FBXO11: variants seen among roughly 807,000 people sequenced by gnomAD.
FBXO11 encodes F-box only protein 11.
FBXO11 carries 13 observed loss-of-function variants against 117.0 expected under a neutral mutation model. The ratio of observed to expected loss-of-function variants is 0.11; its 90% CI spans 0.07 to 0.18. The LOEUF is 0.18. Among genes scored for constraint, FBXO11 ranks in the 10% least tolerant of loss-of-function variants. The pLI is 1.00. For missense variants in FBXO11, 767 were observed against 1,164.4 expected (o/e 0.66, Z 4.97); for synonymous variants, 490 against 380.5 (o/e 1.29, Z -3.35).
At chr2:47,842,256 T>G (rs1215468346) in intron 1 of FBXO11, among the ~76,000 whole-genome samples, 1 of 149,062 alleles carries the variant, frequency 6.7e-6, no homozygotes, top group Non-Finnish European at 1.5e-5. Flanking sequence ...CCTCGTGATC[T>G]GCCCGCCTCG....
At chr2:47,883,515 G>C (rs1012905275) in intron 1 of FBXO11, 1 of 397,368 alleles carries the variant, frequency 2.5e-6, no homozygotes, top group Non-Finnish European at 5.0e-6. Context: ...TGAACCCTTG[G>C]ATACAACAGA....
chr2:47,808,541 T>G (rs1670384413), intron 21 of FBXO11, 114 bp from the exon 22 acceptor site: 14 of 801,558 alleles, frequency 1.7e-5, no homozygotes, highest in Non-Finnish European at 2.4e-5. Flanking sequence ...AACAAAATTC[T>G]TTGTGGCTCC....
In FBXO11 at chr2:47,866,551, G is replaced by A. The variant is rs142540509; in HGVS notation, c.233-26782C>T. On this transcript the variant is annotated intron_variant, in intron 1 of 22. Coordinates refer to ENST00000403359, the MANE Select transcript of FBXO11 (RefSeq NM_001190274.2). ...TACAGTGGCGTGATCTAAGCTCACTGCAAACTCCGCCTCTCGGGTTCAAGC... is the reference window on the plus strand; with the variant it reads ...TACAGTGGCGTGATCTAAGCTCACTACAAACTCCGCCTCTCGGGTTCAAGC... 3.3e-4 allele frequency among the ~76,000 whole-genome samples: 50 copies of A among 151,116 alleles called. 1 individual carries two copies. The East Asian group carries it at 6.4e-3, about 19-fold the overall frequency.
intron 1 of FBXO11, among the ~76,000 whole-genome samples, chr2:47,864,382 G>C (rs1675034342): frequency 6.6e-6 from 1 of 152,192 alleles, no homozygotes; most frequent in African/African-American, 2.4e-5. Context: ...GAGGTCAGGA[G>C]TTCAAGACCA....
At position 47,818,873 on chromosome 2, in the gene FBXO11, TAA is replaced by T. The variant is rs374445177; in HGVS notation, c.1921-11_1921-10del. 3,568 of 1,388,458 alleles carry T rather than the reference TAA, an allele frequency of 2.6e-3. No individual in the cohort carries two copies. The highest frequency in any genetic ancestry group is 4.2e-3 in the South Asian group (319 of 76,314). 86.0% of individuals were successfully genotyped at this position (1,388,458 alleles called of 1,614,324 possible). Reference sequence around the variant, plus strand: ...TAAAAATAAACACCAACCTAAAATTTAAAAAAAAAAAAAAAGCTTTTTCAAGG... The same window carrying T: ...TAAAAATAAACACCAACCTAAAATTTAAAAAAAAAAAAAGCTTTTTCAAGG... On this transcript the variant is annotated splice_polypyrimidine_tract_variant and intron_variant, in intron 15 of 22. Coordinates refer to ENST00000403359, the MANE Select transcript of FBXO11 (RefSeq NM_001190274.2).
chr2:47,898,402 C>T (rs1297443488), intron 1 of FBXO11, among the ~76,000 whole-genome samples: 2 of 152,148 alleles, frequency 1.3e-5, no homozygotes, highest in Non-Finnish European at 2.9e-5. Context: ...AATATTTAGT[C>T]CACAAACCAG....
intron 11 of FBXO11, among the ~76,000 whole-genome samples, chr2:47,829,263 C>G (rs548059168): frequency 1.4e-5 from 2 of 147,516 alleles, no homozygotes; most frequent in Non-Finnish European, 1.5e-5. Flanking sequence ...TTTTTTGAGA[C>G]AGAGTCTTGC....
At chr2:47,861,226 T>C (rs558715532) in intron 1 of FBXO11, among the ~76,000 whole-genome samples, 2 of 152,206 alleles carry the variant, frequency 1.3e-5, no homozygotes, top group East Asian at 1.9e-4. Flanking sequence ...CACTTATGTA[T>C]CTTGTAAAAA....
At chr2:47,861,105 C>T (rs1674738627) in intron 1 of FBXO11, among the ~76,000 whole-genome samples, 1 of 152,102 alleles carries the variant, frequency 6.6e-6, no homozygotes, top group Admixed American at 6.5e-5. Flanking sequence ...CCGCCACGGC[C>T]TCCCAAAGTG....
Position 47,807,695 on chromosome 2 carries a change from AAGTGCT to A in FBXO11, c.*417_*422del. On this transcript the variant is annotated 3_prime_UTR_variant, in exon 23 of 23. Coordinates refer to ENST00000403359, the MANE Select transcript of FBXO11 (RefSeq NM_001190274.2). ...AAAAAAAAAATCAAAAGGAACGCAG[AAGTGCT>A]AGCTCACATTTTTACCATATTACAA... 1 of 233,244 alleles carries A rather than the reference AAGTGCT, an allele frequency of 4.3e-6. No homozygotes were observed. The highest frequency in any genetic ancestry group is 8.5e-6 in the Non-Finnish European group (1 of 117,434). The allele number at this position is 233,244 out of a possible 1,614,324, so 14.4% of individuals were successfully genotyped here.
intron 1 of FBXO11, among the ~76,000 whole-genome samples, chr2:47,867,837 T>C (rs1013310185): frequency 6.6e-6 from 1 of 152,190 alleles, no homozygotes; most frequent in African/African-American, 2.4e-5. Flanking sequence ...GAAATAGAGA[T>C]GACAATGTCA....
intron 1 of FBXO11, among the ~76,000 whole-genome samples, chr2:47,901,449 C>A (rs1351011157): frequency 6.6e-6 from 1 of 152,000 alleles, no homozygotes; most frequent in African/African-American, 2.4e-5. Flanking sequence ...AACCCAAATT[C>A]ATCTTTTATT....
At chr2:47,859,298 C>G (rs1465107901) in intron 1 of FBXO11, among the ~76,000 whole-genome samples, 1 of 151,464 alleles carries the variant, frequency 6.6e-6, no homozygotes. Flanking sequence ...TATTAAAATA[C>G]AAAAATAAAA....
intron 22 of FBXO11, 21 bp from the exon 23 acceptor site, chr2:47,808,268 A>G (rs1054420625): frequency 2.5e-6 from 4 of 1,612,758 alleles, no homozygotes; most frequent in South Asian, 1.1e-5. Flanking sequence ...ATGAAACCCA[A>G]ATATTAGAAA....
chr2:47,822,371 G>T, intron 12 of FBXO11, 68 bp from the exon 13 acceptor site: 1 of 944,386 alleles, frequency 1.1e-6, no homozygotes, highest in Non-Finnish European at 1.6e-6. Flanking sequence ...TTATACAACG[G>T]TAAGGCCCCT....
intron 1 of FBXO11, among the ~76,000 whole-genome samples, chr2:47,861,841 T>C (rs1674801586): frequency 6.6e-6 from 1 of 151,954 alleles, no homozygotes; most frequent in Non-Finnish European, 1.5e-5. Flanking sequence ...GTTGGCACAA[T>C]GAATAGGGCA....
rs1383380246 is a variant in FBXO11, at chr2:47,890,138, A to G, written c.232+15351T>C. 2.6e-5 allele frequency among the ~76,000 whole-genome samples: 4 copies of G among 151,806 alleles called. No individual in the cohort carries two copies. In the East Asian group the frequency reaches 7.7e-4, roughly 29 times the overall value. On this transcript the variant is annotated intron_variant, in intron 1 of 22. Coordinates refer to ENST00000403359, the MANE Select transcript of FBXO11 (RefSeq NM_001190274.2). ...GCTAATTTTTATTATTTATTTATTT[A>G]TTTATTTATTTCAGAGACAGGGTCT... is the stretch of plus-strand genomic sequence containing the variant.
chr2:47,808,530 A>G (rs1670383066), intron 21 of FBXO11, 103 bp from the exon 22 acceptor site: 1 of 1,011,950 alleles, frequency 9.9e-7, no homozygotes, highest in African/African-American at 1.6e-5. Flanking sequence ...AAGAGGACCA[A>G]AACAAAATTC....
chr2:47,812,910 A>G, intron 18 of FBXO11: 1 of 297,424 alleles, frequency 3.4e-6, no homozygotes, highest in Non-Finnish European at 6.4e-6. Context: ...AATTTCTCAC[A>G]TCTATTTCTA....
Sources: gnomAD v4.1 joint callset for allele counts (sites outside exome capture counted in the v4.1 genomes callset) on GRCh38, gnomAD v4.1.1 for gene constraint, MANE v1.5 for transcripts, NCBI Gene and HGNC (gene_info 2026-07-23, HGNC 2026-07-21) for gene names.